C2orf80: variants seen among roughly 807,000 people sequenced by gnomAD.
C2orf80 encodes uncharacterized protein C2orf80.
In C2orf80, 28 loss-of-function variants were observed where a neutral mutation model predicts 30.2. That is an observed-to-expected ratio of 0.93 (90% CI 0.69 to 1.27). The LOEUF (loss-of-function observed/expected upper bound fraction) is 1.27, where lower values mean the gene tolerates loss of function less well. Ranked by LOEUF, C2orf80 falls within the 50% of genes most tolerant of loss-of-function variation. The pLI, the probability that C2orf80 is intolerant of heterozygous loss-of-function variation, is 0.00. For synonymous variants in C2orf80, 80 were observed against 76.4 expected, an observed-to-expected ratio of 1.05 and a Z score of -0.24; for missense variants, 220 against 231.0, an observed-to-expected ratio of 0.95 and a Z score of 0.31.
chr2:208,188,599 C>T (rs1401360272), intron 1 of C2orf80, among the ~76,000 whole-genome samples: 2 of 152,152 alleles, frequency 1.3e-5, no homozygotes, highest in African/African-American at 4.8e-5. Flanking sequence ...GTGCACGCCA[C>T]CAAGCCCAGC....
intron 6 of C2orf80, among the ~76,000 whole-genome samples, chr2:208,177,076 T>A (rs965998303): frequency 1.4e-5 from 2 of 141,118 alleles, no homozygotes; most frequent in Admixed American, 1.4e-4. Context: ...TATACGTATA[T>A]AGATAATGTA....
At chr2:208,185,161 C>T (rs1307242915) in intron 2 of C2orf80, 129 bp from the exon 3 acceptor site, 1 of 611,220 alleles carries the variant, frequency 1.6e-6, no homozygotes, top group East Asian at 2.8e-5. Flanking sequence ...GCTCTGGTAG[C>T]TGAGTTAATA....
chr2:208,177,131 A>G (rs1696379601), intron 6 of C2orf80, among the ~76,000 whole-genome samples: 1 of 147,126 alleles, frequency 6.8e-6, no homozygotes, highest in Admixed American at 6.8e-5. Flanking sequence ...TTTTATATAT[A>G]TACATACATA....
At chr2:208,189,652 T>C (rs1574379978) in intron 1 of C2orf80, among the ~76,000 whole-genome samples, 1 of 152,328 alleles carries the variant, frequency 6.6e-6, no homozygotes, top group African/African-American at 2.4e-5. Flanking sequence ...CTGCCAGTTA[T>C]CCCTCTTCTC....
intron 6 of C2orf80, among the ~76,000 whole-genome samples, chr2:208,178,962 T>C (rs961032755): frequency 1.3e-5 from 2 of 152,148 alleles, no homozygotes; most frequent in Admixed American, 6.5e-5. Context: ...TTTCACCATG[T>C]TGGCCAGGCT....
At position 208,174,346 on chromosome 2, in the gene C2orf80, T is replaced by C. The variant is rs376164829; in HGVS notation, c.367-2271A>G. 5.3e-5 allele frequency among the ~76,000 whole-genome samples: 8 copies of C among 152,250 alleles called. No homozygotes were observed. The South Asian group carries it at 1.0e-3, about 20-fold the overall frequency. ...ATTTTAAAATTTCTGCACAATTCGGTCTGAGTCAGCATCCTCCAAAAAGAG... is the reference window on the plus strand; with the variant it reads ...ATTTTAAAATTTCTGCACAATTCGGCCTGAGTCAGCATCCTCCAAAAAGAG... On this transcript the variant is annotated intron_variant, in intron 6 of 8. Transcript: ENST00000341287.
chr2:208,168,755 A>T (rs1426094380), intron 8 of C2orf80, among the ~76,000 whole-genome samples: 2 of 150,570 alleles, frequency 1.3e-5, no homozygotes, highest in Non-Finnish European at 2.9e-5. Context: ...CTGTCGCTTG[A>T]TTATTAAGAA....
In C2orf80 at chr2:208,184,939, G is replaced by T. The variant is rs370712372; in HGVS notation, c.123+12C>A. 3 of 1,602,558 alleles carry T rather than the reference G, an allele frequency of 1.9e-6. No homozygotes were observed. The highest frequency in any genetic ancestry group is 2.7e-5 in the African/African-American group (2 of 74,710). Reference sequence around the variant, plus strand: ...ACACAAATATGACTCGCATCAGCGTGCCTTTCTTTACCATATCATCTAGAA... The same window carrying T: ...ACACAAATATGACTCGCATCAGCGTTCCTTTCTTTACCATATCATCTAGAA... On this transcript the variant is annotated intron_variant, in intron 3 of 8. Transcript: ENST00000341287.
intron 7 of C2orf80, 48 bp downstream of exon 7, chr2:208,171,940 C>G: frequency 6.8e-7 from 1 of 1,480,668 alleles, no homozygotes; most frequent in Non-Finnish European, 9.5e-7. Flanking sequence ...TCCTAATTTC[C>G]TAGTTTGACT....
intron 1 of C2orf80, among the ~76,000 whole-genome samples, chr2:208,187,606 G>T (rs1174289680): frequency 6.6e-6 from 1 of 152,136 alleles, no homozygotes; most frequent in Non-Finnish European, 1.5e-5. Context: ...GGGTCAAAAG[G>T]AGTCTGAAGT....
rs950237818 is a variant in C2orf80, at chr2:208,171,077, C to T, written c.455-14G>A. Reference sequence around the variant, plus strand: ...TTGACTTGACACCTACAGACAGATGCAGTAACCATATCTGTATATAAAACT... The same window carrying T: ...TTGACTTGACACCTACAGACAGATGTAGTAACCATATCTGTATATAAAACT... On this transcript the variant is annotated splice_polypyrimidine_tract_variant and intron_variant, in intron 7 of 8. Coordinates refer to ENST00000341287, the MANE Select transcript of C2orf80 (RefSeq NM_001099334.3). 6.4e-7 allele frequency: 1 copy of T among 1,551,260 alleles called. No individual in the cohort carries two copies. Among genetic ancestry groups the T allele is most frequent in the African/African-American group, 1.4e-5 (1 of 73,792 alleles).
At chr2:208,182,914 T>TAA (rs751483987) in intron 4 of C2orf80, 51 bp downstream of exon 4, 1 of 1,416,456 alleles carries the variant, frequency 7.1e-7, no homozygotes, top group Non-Finnish European at 1.0e-6. Flanking sequence ...CCTCTATCAT[T>TAA]AATCATAGGC....
At chr2:208,167,733 C>T (rs1040758559) in intron 8 of C2orf80, among the ~76,000 whole-genome samples, 15 of 151,806 alleles carry the variant, frequency 9.9e-5, no homozygotes, top group African/African-American at 3.4e-4. Flanking sequence ...TGCACCACCA[C>T]ACCCAGCTAA....
chr2:208,182,634 C>A (rs1175275360), intron 4 of C2orf80, among the ~76,000 whole-genome samples: 1 of 152,200 alleles, frequency 6.6e-6, no homozygotes, highest in African/African-American at 2.4e-5. Context: ...CTCCTGGCTT[C>A]AAGTAATGAG....
At chr2:208,176,743 G>T (rs1696310374) in intron 6 of C2orf80, among the ~76,000 whole-genome samples, 1 of 151,524 alleles carries the variant, frequency 6.6e-6, no homozygotes, top group Admixed American at 6.6e-5. Context: ...TAGAACATTT[G>T]CCCAGAATTA....
chr2:208,179,104 C>T (rs1409110764), intron 6 of C2orf80, among the ~76,000 whole-genome samples: 1 of 152,166 alleles, frequency 6.6e-6, no homozygotes, highest in Non-Finnish European at 1.5e-5. Flanking sequence ...TTGCTCACCA[C>T]TGTATCCCCT....
intron 6 of C2orf80, among the ~76,000 whole-genome samples, chr2:208,176,999 A>ATGTATACATATATACAGAAATGTATATG (rs371295723): frequency 1.3e-4 from 6 of 44,678 alleles, no homozygotes; most frequent in African/African-American, 4.6e-4. Context: ...ATGTATACAT[A>ATGTATACATATATACAGAAATGTATATG]TATACATATA....
At chr2:208,181,125 T>C in intron 5 of C2orf80, 93 bp downstream of exon 5, 3 of 962,506 alleles carry the variant, frequency 3.1e-6, no homozygotes, top group South Asian at 1.5e-5. Context: ...TTTAGAAACA[T>C]TGGTTGAAAA....
At chr2:208,184,204 C>T (rs552344772) in intron 3 of C2orf80, among the ~76,000 whole-genome samples, 4 of 151,242 alleles carry the variant, frequency 2.6e-5, no homozygotes, top group African/African-American at 9.6e-5. Context: ...CCCCCCTTCA[C>T]CTCCTGAATC....
Sources: allele counts gnomAD v4.1 joint callset (sites outside exome capture counted in the v4.1 genomes callset), GRCh38; gene constraint gnomAD v4.1.1; transcripts MANE v1.5; gene names NCBI Gene and HGNC (gene_info 2026-07-23, HGNC 2026-07-21).